The following TET3 variants were observed in gnomAD, a reference collection of about 807,000 sequenced individuals.
TET3 encodes the protein tet methylcytosine dioxygenase 3.
In TET3, 19 loss-of-function variants were observed where a neutral mutation model predicts 141.4. The ratio of observed to expected loss-of-function variants is 0.13; its 90% CI spans 0.09 to 0.20. The LOEUF is 0.20. TET3 is among the 10% of genes least tolerant of loss of function. TET3 has a pLI of 1.00. For synonymous variants in TET3, 1,043 were observed against 980.9 expected (o/e 1.06, Z -1.18); for missense variants, 1,874 against 2,356.9 (o/e 0.80, Z 4.24).
intron 3 of TET3, among the ~76,000 whole-genome samples, chr2:74,006,543 G>C (rs996033956): frequency 2.6e-5 from 4 of 152,210 alleles, no homozygotes; most frequent in African/African-American, 7.2e-5. Flanking sequence ...CAGCCCTTTT[G>C]CTGGGCCTGG....
chr2:74,130,145 T>C, the TET3 span, among the ~76,000 whole-genome samples: 7 of 150,876 alleles, frequency 4.6e-5, no homozygotes, highest in African/African-American at 1.7e-4. Context: ...GGGTTCACAG[T>C]TTTGTTTGAC....
chr2:74,089,677 C>T (rs1221901485), intron 7 of TET3, among the ~76,000 whole-genome samples: 1 of 152,230 alleles, frequency 6.6e-6, no homozygotes, highest in African/African-American at 2.4e-5. Context: ...CAGTGTTAGA[C>T]CTGCAGGCTC....
At position 74,104,541 on chromosome 2, in the gene TET3, A is replaced by C. The variant is rs896565878; in HGVS notation, c.*2365A>C. 6.6e-6 allele frequency: 1 copy of C among 152,212 alleles called. No homozygotes were observed. Among genetic ancestry groups the C allele is most frequent in the African/African-American group, 2.4e-5 (1 of 41,446 alleles). 9.4% of individuals were successfully genotyped at this position (152,212 alleles called of 1,614,324 possible). ...TGCCTTGAAAACTTCATTTTAAATG[A>C]TCTTAAGCAAGAAATACAATATTTT... is the stretch of plus-strand genomic sequence containing the variant. On this transcript the variant is annotated 3_prime_UTR_variant, in exon 12 of 12. Transcript: ENST00000409262.
chr2:74,006,261 T>G (rs1034712529), intron 3 of TET3, among the ~76,000 whole-genome samples: 5 of 152,222 alleles, frequency 3.3e-5, no homozygotes, highest in African/African-American at 9.6e-5. Flanking sequence ...CATGTCAAAC[T>G]AGAGAAGTGA....
At chr2:74,055,545 C>T (rs1573804365) in intron 4 of TET3, among the ~76,000 whole-genome samples, 1 of 152,284 alleles carries the variant, frequency 6.6e-6, no homozygotes, top group East Asian at 1.9e-4. Flanking sequence ...CAGTCATTGA[C>T]TGTCATTAAA....
chr2:74,101,777 C>T lies in TET3; in HGVS notation c.4989C>T (p.Ile1663=). 3 of 1,613,172 alleles carry T rather than the reference C, an allele frequency of 1.9e-6. No homozygotes were observed. Among genetic ancestry groups the T allele is most frequent in the Non-Finnish European group, 2.5e-6 (3 of 1,179,888 alleles). Residue 1663 remains isoleucine (I), a synonymous_variant, in exon 12 of 12, where the codon ATC becomes ATT. Coordinates refer to ENST00000409262, the MANE Select transcript of TET3 (RefSeq NM_001287491.2). The surrounding 1 kb of genome is among the most constrained non-coding windows in gnomAD (Gnocchi z 8.5). The part of the protein sequence containing the change: ...GVAVAPAHGS[I]LIECARRELH... ...CCGTGGCCCCAGCCCACGGCTCCAT[C>T]CTCATCGAGTGTGCCCGGCGGGAGC...
chr2:74,056,373 G>C (rs1688214458), intron 4 of TET3, among the ~76,000 whole-genome samples: 4 of 152,238 alleles, frequency 2.6e-5, no homozygotes, highest in Admixed American at 2.6e-4. Flanking sequence ...CCCCAGCCTA[G>C]AGCAGAAATG....
chr2:74,081,926 C>T (rs989221715), intron 6 of TET3, among the ~76,000 whole-genome samples: 1 of 152,178 alleles, frequency 6.6e-6, no homozygotes, highest in Non-Finnish European at 1.5e-5. Context: ...AAGCAGGCTG[C>T]CCCCACCCTC....
Position 74,047,753 on chromosome 2 carries a change from C to T in TET3, c.1836C>T (p.Ser612=), listed in dbSNP as rs373151093. Residue 612 remains serine, a synonymous_variant, in exon 4 of 12, where the codon TCC becomes TCT. Transcript: ENST00000409262. ...SVRKPIQIKK[S]RPREAQPLFP... ...GAAAGCCCATTCAGATCAAGAAGTCCAGGCCCCGGGAAGCACAGCCCCTCT... is the reference window on the plus strand; with the variant it reads ...GAAAGCCCATTCAGATCAAGAAGTCTAGGCCCCGGGAAGCACAGCCCCTCT... 2 of 1,613,640 alleles carry T rather than the reference C, an allele frequency of 1.2e-6. No homozygotes were observed. The highest frequency in any genetic ancestry group is 8.5e-7 in the Non-Finnish European group (1 of 1,179,812).
chr2:74,121,603 G>C, the TET3 span: 1 of 152,230 alleles, frequency 6.6e-6, no homozygotes, highest in Non-Finnish European at 1.5e-5. Flanking sequence ...GAAACTTCTG[G>C]CTGTTCATAA....
chr2:74,019,578 C>T (rs537978817), intron 3 of TET3, among the ~76,000 whole-genome samples: 1 of 152,194 alleles, frequency 6.6e-6, no homozygotes, highest in Non-Finnish European at 1.5e-5. Context: ...TCACCAGTAC[C>T]TGGCACAAAG....
rs1466092490 is a variant in TET3, at chr2:74,087,801, C to T, written c.2680-29C>T. 8 of 1,528,448 alleles carry T rather than the reference C, an allele frequency of 5.2e-6. No individual in the cohort carries two copies. Among genetic ancestry groups the T allele is most frequent in the Middle Eastern group, 3.6e-4 (2 of 5,550 alleles). 94.7% of individuals were successfully genotyped at this position (1,528,448 alleles called of 1,614,324 possible). A position where few individuals can be genotyped will look rare whatever the true frequency, so the allele number is the denominator to read the frequency against. On this transcript the variant is annotated intron_variant, in intron 6 of 11. Transcript: ENST00000409262. The surrounding 1 kb of genome is among the most constrained non-coding windows in gnomAD (Gnocchi z 4.3). Reference sequence around the variant, plus strand: ...TGCAGAGGAGCACGGGTACCTGGCTCCTGCCCCTCACACCCTGCGTCCCTG... The same window carrying T: ...TGCAGAGGAGCACGGGTACCTGGCTTCTGCCCCTCACACCCTGCGTCCCTG...
chr2:74,024,890 T>C (rs1258477970), intron 3 of TET3, among the ~76,000 whole-genome samples: 1 of 152,196 alleles, frequency 6.6e-6, no homozygotes, highest in Non-Finnish European at 1.5e-5. Flanking sequence ...CTTTATCCTT[T>C]TCTTTCTCTG....
intron 3 of TET3, among the ~76,000 whole-genome samples, chr2:74,030,254 T>TA (rs1344758741): frequency 2.0e-5 from 3 of 152,246 alleles, no homozygotes; most frequent in Admixed American, 1.3e-4. Flanking sequence ...TTTCACTTTT[T>TA]AAAAAAACTA....
rs994284036 is a variant in TET3 at position 74,002,591 on chromosome 2, C to T, written c.304-519C>T. On this transcript the variant is annotated intron_variant, in intron 2 of 11. Transcript: ENST00000409262. ...CACCCTCGGCTGCGCCCCCGCCTCC[C>T]GGCTGGGCAGGTCCACCAGGCGGGG... 4.2e-4 allele frequency: 138 copies of T among 330,454 alleles called. 4 individuals are homozygous for T. In the Admixed American group the frequency reaches 6.7e-3, roughly 16 times the overall value. 20.5% of individuals were successfully genotyped at this position (330,454 alleles called of 1,614,324 possible).
intron 11 of TET3, 128 bp from the exon 12 acceptor site, chr2:74,100,265 A>T: frequency 9.7e-7 from 1 of 1,026,716 alleles, no homozygotes; most frequent in Non-Finnish European, 1.4e-6. Context: ...TCAGCACCTC[A>T]CCTGCCTGTC....
chr2:74,117,763 TA>T, the TET3 span, among the ~76,000 whole-genome samples: 3 of 151,992 alleles, frequency 2.0e-5, no homozygotes, highest in African/African-American at 4.8e-5. Context: ...TATATTTTTT[TA>T]TAACGGAGTC....
intron 5 of TET3, among the ~76,000 whole-genome samples, chr2:74,076,760 G>A (rs946621392): frequency 6.6e-6 from 1 of 152,068 alleles, no homozygotes; most frequent in African/African-American, 2.4e-5. Flanking sequence ...GTAGGTCTAG[G>A]CTGTCTCTTT....
upstream of TET3, among the ~76,000 whole-genome samples, chr2:73,984,657 C>T (rs1178499171): frequency 6.6e-6 from 1 of 151,860 alleles, no homozygotes; most frequent in African/African-American, 2.4e-5. This position sits in a 1 kb window ranked among gnomAD's most constrained non-coding sequence, Gnocchi z 5.6. Context: ...CCGAAGGGGG[C>T]GGCCGCCTCC....
Sources: allele counts gnomAD v4.1 joint callset (sites outside exome capture counted in the v4.1 genomes callset), GRCh38; gene constraint gnomAD v4.1.1; non-coding constraint Gnocchi (gnomAD v3.1); transcripts MANE v1.5; gene names NCBI Gene and HGNC (gene_info 2026-07-23, HGNC 2026-07-21).